Variants in ABCB5 observed in about 807,000 individuals in gnomAD.
ABCB5 encodes the protein ATP-binding cassette sub-family B member 5.
ABCB5 carries 155 observed loss-of-function variants against 144.2 expected under a neutral mutation model. That is an observed-to-expected ratio of 1.08 (90% CI 0.94 to 1.23). ABCB5 has a LOEUF of 1.23. Among genes scored for constraint, ABCB5 ranks in the 50% most tolerant of loss-of-function variants. ABCB5 has a pLI of 0.00. For missense variants in ABCB5, 1,830 were observed against 1,520.8 expected, an observed-to-expected ratio of 1.20 and a Z score of -3.38; for synonymous variants, 610 against 528.6, an observed-to-expected ratio of 1.15 and a Z score of -2.11.
At chr7:20,722,379 A>C (rs1477659876) in intron 20 of ABCB5, among the ~76,000 whole-genome samples, 1 of 152,184 alleles carries the variant, frequency 6.6e-6, no homozygotes, top group Non-Finnish European at 1.5e-5. Context: ...AAATCCTGCT[A>C]AACTATTTAA....
chr7:20,750,520 C>T (rs1476607927), intron 26 of ABCB5, among the ~76,000 whole-genome samples: 1 of 151,990 alleles, frequency 6.6e-6, no homozygotes, highest in Non-Finnish European at 1.5e-5. Context: ...TTATATTTAT[C>T]CCACTTAGAA....
At chr7:20,710,164 C>T (rs62453368) in intron 20 of ABCB5, among the ~76,000 whole-genome samples, 59,580 of 147,152 alleles carry the variant, frequency 0.4, 14,573 homozygotes, top group Middle Eastern at 0.49. Context: ...CACCTGAGGT[C>T]GGGAGTTCAA....
At chr7:20,644,522 G>A (rs915603936) in intron 7 of ABCB5, among the ~76,000 whole-genome samples, 10 of 152,130 alleles carry the variant, frequency 6.6e-5, no homozygotes, top group African/African-American at 2.4e-4. Flanking sequence ...CTGTTTTGCT[G>A]TAAGTATAAC....
intron 13 of ABCB5, among the ~76,000 whole-genome samples, chr7:20,654,176 ACT>A (rs1282707864): frequency 1.3e-5 from 2 of 149,330 alleles, no homozygotes; most frequent in African/African-American, 2.4e-5. Context: ...AAAAATCAGC[ACT>A]GTTTTTTTTT....
intron 15 of ABCB5, among the ~76,000 whole-genome samples, chr7:20,684,079 A>C (rs1013342998): frequency 1.3e-5 from 2 of 152,250 alleles, no homozygotes; most frequent in African/African-American, 4.8e-5. Context: ...AGTATTAAAC[A>C]GGCAAAATCA....
At chr7:20,691,398 G>T (rs931354504) in intron 16 of ABCB5, among the ~76,000 whole-genome samples, 7 of 151,540 alleles carry the variant, frequency 4.6e-5, no homozygotes, top group African/African-American at 1.5e-4. Flanking sequence ...GAAAAGCCCA[G>T]AGATCTGCAG....
At chr7:20,628,954 T>C in intron 4 of ABCB5, 116 bp downstream of exon 4, 1 of 1,193,470 alleles carries the variant, frequency 8.4e-7, no homozygotes, top group Non-Finnish European at 1.1e-6. Flanking sequence ...CTGTATAATA[T>C]GTATTTAAGT....
At chr7:20,676,161 TACACATACAC>T (rs754740339) in intron 14 of ABCB5, among the ~76,000 whole-genome samples, 1,175 of 95,840 alleles carry the variant, frequency 0.012, 11 homozygotes, top group African/African-American at 0.043. Flanking sequence ...GCAATTCTAC[TACACATACAC>T]ACACACACAC....
At chr7:20,716,410 G>A (rs773566809) in intron 20 of ABCB5, among the ~76,000 whole-genome samples, 1 of 152,108 alleles carries the variant, frequency 6.6e-6, no homozygotes. Flanking sequence ...TAGCTCCAAT[G>A]ATTGCACATC....
chr7:20,720,087 A>G (rs1454336576), intron 20 of ABCB5, among the ~76,000 whole-genome samples: 2 of 152,190 alleles, frequency 1.3e-5, no homozygotes, highest in Non-Finnish European at 2.9e-5. Context: ...AGAAATGACT[A>G]ATTCCAAAAG....
At chr7:20,726,891 G>T (rs912022727) in intron 21 of ABCB5, 149 bp from the exon 22 acceptor site, 1 of 464,812 alleles carries the variant, frequency 2.2e-6, no homozygotes. Flanking sequence ...TATTTTCTGG[G>T]AGGAAAGGAA....
At chr7:20,678,506 A>G (rs1292356033) in intron 14 of ABCB5, among the ~76,000 whole-genome samples, 2 of 152,220 alleles carry the variant, frequency 1.3e-5, no homozygotes, top group Non-Finnish European at 2.9e-5. Flanking sequence ...AGTAAATAGC[A>G]GTAACACAGT....
At chr7:20,624,088 A>G (rs572289912) in intron 2 of ABCB5, among the ~76,000 whole-genome samples, 75 of 152,292 alleles carry the variant, frequency 4.9e-4, no homozygotes, top group African/African-American at 1.7e-3. Context: ...CCCAAAGTAA[A>G]TGTTCTCCTT....
intron 3 of ABCB5, among the ~76,000 whole-genome samples, chr7:20,627,991 T>G (rs1012492193): frequency 6.6e-6 from 1 of 152,202 alleles, no homozygotes; most frequent in Admixed American, 6.5e-5. Context: ...CAATTTGTAC[T>G]GATTTAGCTG....
At chr7:20,664,135 T>A (rs1373356935) in intron 14 of ABCB5, among the ~76,000 whole-genome samples, 2 of 152,058 alleles carry the variant, frequency 1.3e-5, no homozygotes, top group Non-Finnish European at 2.9e-5. Context: ...AAAGAGGAAT[T>A]TGGCCTCTCA....
intron 20 of ABCB5, 63 bp from the exon 21 acceptor site, chr7:20,722,953 A>C: frequency 6.8e-7 from 1 of 1,461,346 alleles, no homozygotes; most frequent in South Asian, 1.2e-5. Flanking sequence ...AGGAACTATA[A>C]TAGGAACTCT....
chr7:20,620,833 A>G (rs994752736), intron 1 of ABCB5, among the ~76,000 whole-genome samples: 2 of 152,282 alleles, frequency 1.3e-5, no homozygotes, highest in African/African-American at 2.4e-5. Context: ...AACAGTATGA[A>G]TATTTCTCAA....
At chr7:20,628,630 T>TGC in intron 3 of ABCB5, 58 bp from the exon 4 acceptor site, 1 of 1,556,834 alleles carries the variant, frequency 6.4e-7, no homozygotes, top group Non-Finnish European at 8.7e-7. Flanking sequence ...TGTGTGTGTG[T>TGC]GCTTGGTGTG....
chr7:20,668,254 C>T (rs1213676747), intron 14 of ABCB5, among the ~76,000 whole-genome samples: 2 of 149,094 alleles, frequency 1.3e-5, no homozygotes, highest in Non-Finnish European at 3.0e-5. Context: ...TCTGCCCGGC[C>T]GCCATCCCAT....
Sources: allele counts gnomAD v4.1 joint callset (sites outside exome capture counted in the v4.1 genomes callset), GRCh38; gene constraint gnomAD v4.1.1; transcripts MANE v1.5; gene names NCBI Gene and HGNC (gene_info 2026-07-23, HGNC 2026-07-21).